The following SLC4A5 variants were observed in gnomAD, a reference collection of about 807,000 sequenced individuals.
SLC4A5 encodes the protein solute carrier family 4 member 5, also known as electrogenic sodium bicarbonate cotransporter 4.
Under a neutral mutation model 120.4 loss-of-function variants are expected in SLC4A5, and 96 were observed. That is an observed-to-expected ratio of 0.80 (90% CI 0.68 to 0.94). The LOEUF (loss-of-function observed/expected upper bound fraction) is 0.94, where lower values mean the gene tolerates loss of function less well. Ranked by LOEUF, SLC4A5 falls within the 40% of genes least tolerant of loss-of-function variation. The pLI, the probability that SLC4A5 is intolerant of heterozygous loss-of-function variation, is 0.00. For missense variants in SLC4A5, 1,259 were observed against 1,459.5 expected, an observed-to-expected ratio of 0.86 and a Z score of 2.24; for synonymous variants, 550 against 571.1, an observed-to-expected ratio of 0.96 and a Z score of 0.53.
chr2:74,318,494 T>A (rs1238376250), intron 5 of SLC4A5, among the ~76,000 whole-genome samples: 3 of 152,242 alleles, frequency 2.0e-5, no homozygotes, highest in East Asian at 3.9e-4. Context: ...AAGACCAGCT[T>A]GGCTAACATG....
At chr2:74,222,903 T>C in exon 29 of SLC4A5, 5 of 1,613,852 alleles carry the variant, frequency 3.1e-6, no homozygotes, top group Non-Finnish European at 3.4e-6. Context: ...GGGATCTGAT[T>C]GGACACTTTC....
At position 74,239,348 on chromosome 2, in the gene SLC4A5, T is replaced by C. The variant is rs143467854; in HGVS notation, c.2306A>G (p.Tyr769Cys). 1.6e-4 allele frequency: 257 copies of C among 1,614,074 alleles called. 2 individuals carry two copies. The East Asian group carries it at 5.3e-3, about 33-fold the overall frequency. The change falls in exon 21 of 31, where the codon TAT becomes TGT. Residue 769 changes from tyrosine (Y) to cysteine (C), a missense_variant. By Grantham distance (194) the Tyr-to-Cys change is radical. Transcript: ENST00000394019. ...GGGTGAGCTTACCTTGGTAGGAAAA[T>C]AGCGGCTGAATTTGAACTTCTTCAG...
chr2:74,295,620 G>A (rs533185065), intron 7 of SLC4A5, among the ~76,000 whole-genome samples: 1 of 151,900 alleles, frequency 6.6e-6, no homozygotes, highest in African/African-American at 2.4e-5. Context: ...GGCAATAGAG[G>A]GAGACTCCTT....
At chr2:74,269,705 T>C (rs1671415045) in intron 8 of SLC4A5, among the ~76,000 whole-genome samples, 1 of 152,122 alleles carries the variant, frequency 6.6e-6, no homozygotes, top group Admixed American at 6.5e-5. Flanking sequence ...CCCACCCACC[T>C]AAAGGTGTGA....
At chr2:74,241,896 T>G in intron 20 of SLC4A5, 98 bp downstream of exon 20, 1 of 1,094,196 alleles carries the variant, frequency 9.1e-7, no homozygotes, top group Non-Finnish European at 1.3e-6. Context: ...CCTCTGCAAG[T>G]CTGGGAGGCC....
intron 6 of SLC4A5, among the ~76,000 whole-genome samples, chr2:74,313,689 A>G (rs561013452): frequency 3.3e-5 from 5 of 152,206 alleles, no homozygotes; most frequent in Non-Finnish European, 7.3e-5. Flanking sequence ...ATCATGGTGG[A>G]ACTTCCCTTC....
At chr2:74,248,588 T>C in intron 17 of SLC4A5, 102 bp from the exon 18 acceptor site, 1 of 1,389,862 alleles carries the variant, frequency 7.2e-7, no homozygotes, top group East Asian at 2.5e-5. Flanking sequence ...GGCCACAGTG[T>C]TTATCCTTCG....
intron 19 of SLC4A5, among the ~76,000 whole-genome samples, chr2:74,242,496 C>T (rs1194766840): frequency 6.6e-6 from 1 of 152,150 alleles, no homozygotes; most frequent in South Asian, 2.1e-4. Context: ...CCAAGTATGC[C>T]CACTTTACAG....
chr2:74,240,753 G>C (rs985925359), intron 20 of SLC4A5, among the ~76,000 whole-genome samples: 4 of 145,170 alleles, frequency 2.8e-5, no homozygotes, highest in African/African-American at 7.8e-5. Context: ...CTGGGTAACA[G>C]AGCAAGACCC....
At chr2:74,272,395 G>C (rs1671502920) in intron 8 of SLC4A5, among the ~76,000 whole-genome samples, 1 of 152,190 alleles carries the variant, frequency 6.6e-6, no homozygotes, top group Non-Finnish European at 1.5e-5. Context: ...TCAAAGCCAA[G>C]TTTAAAAACT....
chr2:74,227,216 G>T, intron 26 of SLC4A5, 86 bp from the exon 27 acceptor site: 1 of 1,438,210 alleles, frequency 7.0e-7, no homozygotes, highest in Non-Finnish European at 9.3e-7. Flanking sequence ...TGCCTGGGTG[G>T]GGTCTCAGAG....
At chr2:74,276,149 A>G (rs574195939) in intron 8 of SLC4A5, among the ~76,000 whole-genome samples, 1 of 152,108 alleles carries the variant, frequency 6.6e-6, no homozygotes, top group Non-Finnish European at 1.5e-5. Context: ...AGGAGAGGAG[A>G]AGGAGAGAAA....
intron 25 of SLC4A5, among the ~76,000 whole-genome samples, chr2:74,229,935 G>A (rs1040692133): frequency 1.4e-5 from 2 of 147,786 alleles, no homozygotes; most frequent in African/African-American, 5.1e-5. Flanking sequence ...AGGCTGGAGT[G>A]CAGTGGCATG....
At chr2:74,320,279 G>C (rs1313239312) in intron 5 of SLC4A5, among the ~76,000 whole-genome samples, 1 of 151,926 alleles carries the variant, frequency 6.6e-6, no homozygotes, top group Non-Finnish European at 1.5e-5. Flanking sequence ...AGATCTGGAA[G>C]AATTTTCTGA....
At chr2:74,310,372 G>T (rs1030687207) in intron 6 of SLC4A5, among the ~76,000 whole-genome samples, 1 of 152,134 alleles carries the variant, frequency 6.6e-6, no homozygotes, top group Admixed American at 6.5e-5. Context: ...TCTTTGCTTT[G>T]TTCCTGATCT....
At chr2:74,288,853 T>C (rs912154144) in intron 7 of SLC4A5, among the ~76,000 whole-genome samples, 1 of 152,144 alleles carries the variant, frequency 6.6e-6, no homozygotes, top group Non-Finnish European at 1.5e-5. Context: ...CCAGCCCTGC[T>C]CTCCTCTGTT....
chr2:74,343,253 G>C (rs1483374996), intron 1 of SLC4A5, 103 bp downstream of exon 1: 1 of 152,142 alleles, frequency 6.6e-6, no homozygotes, highest in Non-Finnish European at 1.5e-5. Context: ...CTCTTGGTGG[G>C]CTGGGGAATC....
chr2:74,219,388 T>C (rs1193925647), intron 30 of SLC4A5, among the ~76,000 whole-genome samples: 1 of 152,192 alleles, frequency 6.6e-6, no homozygotes. Flanking sequence ...CAGGGTGCTC[T>C]GTCTTTGTTT....
At chr2:74,235,469 C>A (rs1670240200) in intron 21 of SLC4A5, among the ~76,000 whole-genome samples, 1 of 152,160 alleles carries the variant, frequency 6.6e-6, no homozygotes, top group African/African-American at 2.4e-5. Context: ...TGTAAGTGAA[C>A]TGTGACACAT....
Sources: allele counts gnomAD v4.1 joint callset (sites outside exome capture counted in the v4.1 genomes callset), GRCh38; gene constraint gnomAD v4.1.1; transcripts MANE v1.5; gene names NCBI Gene and HGNC (gene_info 2026-07-23, HGNC 2026-07-21).